LYSMD2: variants seen among roughly 807,000 people sequenced by gnomAD.
LYSMD2 encodes lysM and putative peptidoglycan-binding domain-containing protein 2.
Under a neutral mutation model 17.7 loss-of-function variants are expected in LYSMD2, and 6 were observed. The ratio of observed to expected loss-of-function variants is 0.34; its 90% confidence interval spans 0.19 to 0.67. LYSMD2 has a LOEUF of 0.67. Among genes scored for constraint, LYSMD2 ranks in the 30% least tolerant of loss-of-function variants. LYSMD2 has a pLI of 0.69. For synonymous variants in LYSMD2, 102 were observed against 129.8 expected, an observed-to-expected ratio of 0.79 and a Z score of 1.45; for missense variants, 237 against 286.7, an observed-to-expected ratio of 0.83 and a Z score of 1.25.
At chr15:51,740,903 A>T (rs1356285933), upstream of LYSMD2, among the ~76,000 whole-genome samples, 1 of 152,246 alleles carries the variant, frequency 6.6e-6, no homozygotes, top group Non-Finnish European at 1.5e-5. Flanking sequence ...AAATATAAAT[A>T]AAAGCAGAGA....
chr15:51,728,222 A>C (rs1218280753), intron 1 of LYSMD2, among the ~76,000 whole-genome samples: 2 of 151,756 alleles, frequency 1.3e-5, no homozygotes, highest in East Asian at 1.9e-4. Flanking sequence ...GACCAGCCTG[A>C]CCAACATAGC....
intron 1 of LYSMD2, among the ~76,000 whole-genome samples, chr15:51,749,237 A>G (rs2055684683): frequency 6.6e-6 from 1 of 152,252 alleles, no homozygotes. Context: ...AGATTTAAAG[A>G]GCTAAACAGA....
intron 1 of LYSMD2, among the ~76,000 whole-genome samples, chr15:51,749,568 G>T (rs565541350): frequency 6.6e-6 from 1 of 152,084 alleles, no homozygotes; most frequent in South Asian, 2.1e-4. Flanking sequence ...CATTTTCCTC[G>T]TGCAGAACCA....
intron 1 of LYSMD2, among the ~76,000 whole-genome samples, chr15:51,736,067 G>C (rs2055606997): frequency 6.6e-6 from 1 of 152,178 alleles, no homozygotes; most frequent in Non-Finnish European, 1.5e-5. Context: ...ATCATACTTG[G>C]AAAATATCCT....
intron 1 of LYSMD2, 78 bp from the exon 2 acceptor site, chr15:51,725,199 C>T: frequency 1.1e-6 from 1 of 888,728 alleles, no homozygotes; most frequent in Non-Finnish European, 1.7e-6. Flanking sequence ...TACAGAACTA[C>T]CAATATTCAT....
chr15:51,748,261 CAAAAAAAAAAAAA>C (rs10556304), intron 1 of LYSMD2, among the ~76,000 whole-genome samples: 5 of 60,208 alleles, frequency 8.3e-5, no homozygotes, highest in Admixed American at 2.0e-4. Flanking sequence ...GACTCCGTCT[CAAAAAAAAAAAAA>C]AAAAAAAAAA....
intron 1 of LYSMD2, among the ~76,000 whole-genome samples, chr15:51,734,177 T>C (rs1336814208): frequency 6.6e-6 from 1 of 152,168 alleles, no homozygotes; most frequent in African/African-American, 2.4e-5. Context: ...AGTGAGCCTT[T>C]GTCTCAAAAA....
chr15:51,727,584 C>A (rs2055548235), intron 1 of LYSMD2, among the ~76,000 whole-genome samples: 1 of 152,226 alleles, frequency 6.6e-6, no homozygotes, highest in African/African-American at 2.4e-5. Flanking sequence ...CTGACAGATA[C>A]ATCTATCATA....
chr15:51,739,953 T>C (rs1240238810), upstream of LYSMD2, among the ~76,000 whole-genome samples: 1 of 151,894 alleles, frequency 6.6e-6, no homozygotes, highest in African/African-American at 2.4e-5. Flanking sequence ...GCTTTGGGGT[T>C]TTCTTTGTTT....
intron 1 of LYSMD2, among the ~76,000 whole-genome samples, chr15:51,736,309 T>C (rs968038064): frequency 6.6e-6 from 1 of 152,172 alleles, no homozygotes; most frequent in Non-Finnish European, 1.5e-5. Context: ...TGTTCACATG[T>C]ATAGAACTCC....
At chr15:51,747,017 T>TAAAAAAAAAA (rs1050919768) in intron 1 of LYSMD2, among the ~76,000 whole-genome samples, 4 of 65,788 alleles carry the variant, frequency 6.1e-5, no homozygotes, top group Admixed American at 3.9e-4. Context: ...CTGTCTCTAC[T>TAAAAAAAAAA]AAAAAAAAAA....
At position 51,724,870 on chromosome 15, in the gene LYSMD2, T is replaced by G. The variant is rs1432522865; in HGVS notation, c.525A>C (p.Ser175=). 6.2e-7 allele frequency: 1 copy of G among 1,614,014 alleles called. No homozygotes were observed. The highest frequency in any genetic ancestry group is 1.3e-5 in the African/African-American group (1 of 74,920). The part of the protein sequence containing the change: ...DVQPVQPEEV[S]ARDFLQRLDL... Reference sequence around the variant, plus strand: ...CAAGTCTCTGCAGGAAATCTCTGGCTGACACTTCCTCAGGCTGCACAGGCT... The same window carrying G: ...CAAGTCTCTGCAGGAAATCTCTGGCGGACACTTCCTCAGGCTGCACAGGCT... The change falls in exon 2 of 3, where the codon TCA becomes TCC. Residue 175 remains serine (S), a synonymous_variant. Transcript: ENST00000267838.
intron 1 of LYSMD2, among the ~76,000 whole-genome samples, chr15:51,728,864 C>T (rs1329967439): frequency 7.7e-6 from 1 of 130,552 alleles, no homozygotes; most frequent in Non-Finnish European, 1.7e-5. Flanking sequence ...AGTGAGACTC[C>T]ATCTCAAAAA....
intron 1 of LYSMD2, among the ~76,000 whole-genome samples, chr15:51,736,644 T>C (rs537141311): frequency 5.3e-5 from 8 of 152,334 alleles, no homozygotes; most frequent in African/African-American, 1.9e-4. Flanking sequence ...TTATAAGTAA[T>C]TTTAATGAAA....
intron 1 of LYSMD2, among the ~76,000 whole-genome samples, chr15:51,750,627 G>A (rs1228156182): frequency 6.6e-6 from 1 of 152,180 alleles, no homozygotes; most frequent in Non-Finnish European, 1.5e-5. Flanking sequence ...GTTCAAGAAG[G>A]AGAGAGATAT....
intron 1 of LYSMD2, among the ~76,000 whole-genome samples, chr15:51,734,272 T>A (rs2055595304): frequency 6.6e-6 from 1 of 152,094 alleles, no homozygotes; most frequent in South Asian, 2.1e-4. Flanking sequence ...TCAGCTAGGA[T>A]CCTTTATTTT....
At chr15:51,732,167 A>G (rs2055581214) in intron 1 of LYSMD2, among the ~76,000 whole-genome samples, 1 of 152,138 alleles carries the variant, frequency 6.6e-6, no homozygotes. Context: ...CCTCAAACCA[A>G]ATCTTGCAGT....
intron 1 of LYSMD2, among the ~76,000 whole-genome samples, chr15:51,745,125 AC>A (rs1426184532): frequency 3.3e-5 from 5 of 152,248 alleles, no homozygotes; most frequent in Non-Finnish European, 7.4e-5. Context: ...TCATTTTTAA[AC>A]CTCCAACAAA....
At chr15:51,742,028 T>G (rs2055645411), upstream of LYSMD2, among the ~76,000 whole-genome samples, 1 of 151,304 alleles carries the variant, frequency 6.6e-6, no homozygotes, top group South Asian at 2.1e-4. Context: ...TTGTCATCAC[T>G]CCAAAAAGAA....
Sources: allele counts gnomAD v4.1 joint callset (sites outside exome capture counted in the v4.1 genomes callset), GRCh38; gene constraint gnomAD v4.1.1; transcripts MANE v1.5; gene names NCBI Gene and HGNC (gene_info 2026-07-23, HGNC 2026-07-21).